RGS7: variants seen among roughly 807,000 people sequenced by gnomAD.
The protein encoded by RGS7 is regulator of G-protein signaling 7.
In RGS7, 27 loss-of-function variants were observed where a neutral mutation model predicts 81.1. The observed-to-expected ratio is 0.33, with a 90% confidence interval of 0.25 to 0.46. The LOEUF is 0.46. Among genes scored for constraint, RGS7 ranks in the 20% least tolerant of loss-of-function variants. The pLI is 1.00. For missense variants in RGS7, 396 were observed against 607.4 expected, an observed-to-expected ratio of 0.65 and a Z score of 3.66; for synonymous variants, 208 against 207.7, an observed-to-expected ratio of 1.00 and a Z score of -0.01.
chr1:241,288,057 T>C (rs913705766), intron 2 of RGS7, among the ~76,000 whole-genome samples: 4 of 152,180 alleles, frequency 2.6e-5, no homozygotes, highest in South Asian at 4.1e-4. Flanking sequence ...TCCTAGAAAA[T>C]TGGGGACACC....
chr1:240,939,281 G>A (rs1188534904), intron 4 of RGS7, among the ~76,000 whole-genome samples: 1 of 152,090 alleles, frequency 6.6e-6, no homozygotes, highest in South Asian at 2.1e-4. Flanking sequence ...ATAAAACTTT[G>A]AAGTGATAGA....
intron 3 of RGS7, among the ~76,000 whole-genome samples, chr1:240,985,197 A>C (rs1558559116): frequency 1.3e-5 from 2 of 152,224 alleles, no homozygotes; most frequent in Non-Finnish European, 2.9e-5. Flanking sequence ...TCCTTGACCA[A>C]TGTCGATTCC....
At chr1:241,005,956 C>A (rs1218855059) in intron 3 of RGS7, among the ~76,000 whole-genome samples, 1 of 152,130 alleles carries the variant, frequency 6.6e-6, no homozygotes, top group Non-Finnish European at 1.5e-5. Context: ...TGTATATAGA[C>A]CTTCAAATTT....
chr1:241,231,025 T>C (rs1449672798), intron 2 of RGS7, among the ~76,000 whole-genome samples: 2 of 152,334 alleles, frequency 1.3e-5, no homozygotes, highest in South Asian at 2.1e-4. Flanking sequence ...CCTGTTTCCC[T>C]TGACTAGTCT....
At chr1:241,036,992 G>T (rs551887481) in intron 3 of RGS7, among the ~76,000 whole-genome samples, 3 of 152,334 alleles carry the variant, frequency 2.0e-5, no homozygotes, top group African/African-American at 7.2e-5. Flanking sequence ...CAACCTGGAA[G>T]AGAACTGACT....
intron 6 of RGS7, among the ~76,000 whole-genome samples, chr1:240,921,786 G>A (rs886830121): frequency 6.6e-6 from 1 of 152,058 alleles, no homozygotes; most frequent in African/African-American, 2.4e-5. Context: ...TACCAAATAT[G>A]TGGATAAGAA....
chr1:240,823,394 G>C (rs904130147), intron 10 of RGS7: 2 of 426,278 alleles, frequency 4.7e-6, no homozygotes, highest in South Asian at 3.9e-5. Context: ...CCGAAGCCCC[G>C]CACCACTTGG....
chr1:241,106,743 A>AGAC (rs2065130632), intron 2 of RGS7, among the ~76,000 whole-genome samples: 1 of 95,952 alleles, frequency 1.0e-5, no homozygotes, highest in Non-Finnish European at 2.1e-5. Context: ...AAAAAAACCA[A>AGAC]CACCACCACC....
chr1:241,235,524 G>A (rs1481881123), intron 2 of RGS7, among the ~76,000 whole-genome samples: 3 of 151,826 alleles, frequency 2.0e-5, no homozygotes, highest in Non-Finnish European at 2.9e-5. Context: ...CTCCAACAAC[G>A]GTTATTGTTC....
intron 3 of RGS7, among the ~76,000 whole-genome samples, chr1:241,085,550 G>A (rs1043965655): frequency 9.2e-5 from 14 of 152,078 alleles, no homozygotes; most frequent in Admixed American, 7.9e-4. Flanking sequence ...TCAGCCTCCC[G>A]GGTAGCTGGG....
intron 3 of RGS7, among the ~76,000 whole-genome samples, chr1:241,007,568 G>C (rs918509521): frequency 6.6e-6 from 1 of 152,172 alleles, no homozygotes; most frequent in African/African-American, 2.4e-5. Context: ...GGTAGAAACA[G>C]AGTCAAAACC....
At chr1:241,213,346 T>A (rs913841690) in intron 2 of RGS7, among the ~76,000 whole-genome samples, 1 of 152,158 alleles carries the variant, frequency 6.6e-6, no homozygotes, top group Non-Finnish European at 1.5e-5. Context: ...TCAAGTTAGC[T>A]GACTCAGGCT....
intron 6 of RGS7, among the ~76,000 whole-genome samples, chr1:240,895,236 G>A (rs1425491889): frequency 6.6e-6 from 1 of 152,094 alleles, no homozygotes; most frequent in Non-Finnish European, 1.5e-5. Context: ...GCAGAACCAT[G>A]AGCCAATTAA....
intron 4 of RGS7, among the ~76,000 whole-genome samples, chr1:240,979,135 C>T (rs944941089): frequency 5.3e-5 from 8 of 151,978 alleles, no homozygotes; most frequent in African/African-American, 1.9e-4. Context: ...AACATTCTGC[C>T]AAATAATTAA....
Position 241,012,372 on chromosome 1 carries a change from T to A in RGS7, c.176-29243A>T, listed in dbSNP as rs187279655. On this transcript the variant is annotated intron_variant, in intron 3 of 18. Coordinates refer to ENST00000440928, the MANE Select transcript of RGS7 (RefSeq NM_001364886.1). ...ACCTACTTGCCTTACACCAGAGTGC[T>A]GTGCAAGAAAAGGAAGGCAGAGGGA... Among the ~76,000 whole-genome samples the A allele has an allele frequency of 1.8e-4, 27 of 152,224 alleles. No individual in the cohort carries two copies. In the East Asian group the frequency reaches 5.0e-3, roughly 28 times the overall value.
At chr1:241,262,155 C>A (rs569505262) in intron 2 of RGS7, among the ~76,000 whole-genome samples, 1 of 152,116 alleles carries the variant, frequency 6.6e-6, no homozygotes, top group African/African-American at 2.4e-5. Flanking sequence ...CTTGCAAGGT[C>A]TTGGCGATTC....
intron 3 of RGS7, among the ~76,000 whole-genome samples, chr1:241,081,848 GA>G (rs2063150438): frequency 6.6e-6 from 1 of 152,226 alleles, no homozygotes. Context: ...CATCTCCAGA[GA>G]TTTATTTACT....
intron 3 of RGS7, among the ~76,000 whole-genome samples, chr1:241,043,610 ATAGT>A (rs930336761): frequency 1.4e-5 from 2 of 147,464 alleles, no homozygotes; most frequent in Non-Finnish European, 3.0e-5. Flanking sequence ...ATAATATTAT[ATAGT>A]TATATTTTAT....
chr1:240,817,019 T>A (rs1027570067), intron 10 of RGS7, among the ~76,000 whole-genome samples: 1 of 152,196 alleles, frequency 6.6e-6, no homozygotes, highest in Non-Finnish European at 1.5e-5. Context: ...AGAGGCGTCA[T>A]GCATCTTCGG....
Sources: allele counts gnomAD v4.1 joint callset (sites outside exome capture counted in the v4.1 genomes callset), GRCh38; gene constraint gnomAD v4.1.1; transcripts MANE v1.5; gene names NCBI Gene and HGNC (gene_info 2026-07-23, HGNC 2026-07-21).